Variants in SPOP observed in about 807,000 individuals in gnomAD.
SPOP encodes speckle type BTB/POZ protein, also known as speckle-type POZ protein.
SPOP carries 11 observed loss-of-function variants against 45.6 expected under a neutral mutation model. That is an observed-to-expected ratio of 0.24 (90% CI 0.15 to 0.40). SPOP has a LOEUF of 0.40. Among genes scored for constraint, SPOP ranks in the 10% least tolerant of loss-of-function variants. SPOP has a pLI of 1.00. For missense variants in SPOP, 152 were observed against 465.6 expected (o/e 0.33, Z 6.20); for synonymous variants, 166 against 166.3 (o/e 1.00, Z 0.01).
At chr17:49,610,883 C>T (rs2071958279) in intron 6 of SPOP, among the ~76,000 whole-genome samples, 2 of 152,130 alleles carry the variant, frequency 1.3e-5, no homozygotes, top group South Asian at 4.1e-4. Flanking sequence ...GGGCTAACCC[C>T]TCCAGGGCTG....
At chr17:49,666,594 G>A (rs549131859) in intron 1 of SPOP, among the ~76,000 whole-genome samples, 10 of 152,142 alleles carry the variant, frequency 6.6e-5, no homozygotes, top group East Asian at 5.8e-4. Context: ...TTGAAAGGCC[G>A]AGGCAGGCAG....
intron 6 of SPOP, among the ~76,000 whole-genome samples, chr17:49,610,206 G>A (rs972722288): frequency 2.0e-5 from 3 of 152,084 alleles, no homozygotes; most frequent in Non-Finnish European, 2.9e-5. Flanking sequence ...AAGAGTTATA[G>A]ACTTCCTTGA....
chr17:49,606,596 C>A (rs955271852), intron 8 of SPOP, among the ~76,000 whole-genome samples: 1 of 147,710 alleles, frequency 6.8e-6, no homozygotes, highest in South Asian at 2.1e-4. Context: ...TGGGTTCAAG[C>A]GATCCTCTTG....
At position 49,611,377 on chromosome 17, in the gene SPOP, T is replaced by G; in HGVS notation, c.561A>C (p.Ala187=). Residue 187 remains alanine (A), a synonymous_variant, in exon 6 of 10, where the codon GCA becomes GCC. Coordinates refer to ENST00000504102, the MANE Select transcript of SPOP (RefSeq NM_001007228.2). ...TCTCCCACAGTCCTCCTAACTCATC[T>G]GCCAGCCGGCACTCAGGAACCTTTA... ...NMVKVPECRL[A]DELGGLWENS... 6.2e-7 allele frequency: 1 copy of G among 1,614,232 alleles called. No homozygotes were observed. Among genetic ancestry groups the G allele is most frequent in the African/African-American group, 1.3e-5 (1 of 75,058 alleles).
intron 1 of SPOP, among the ~76,000 whole-genome samples, chr17:49,624,936 T>C (rs532088265): frequency 5.9e-5 from 9 of 152,228 alleles, no homozygotes; most frequent in Admixed American, 5.9e-4. Flanking sequence ...GGGTGTTATC[T>C]AGTACAGTGG....
At chr17:49,635,672 T>C (rs1448999751) in intron 1 of SPOP, among the ~76,000 whole-genome samples, 3 of 148,832 alleles carry the variant, frequency 2.0e-5, no homozygotes, top group Non-Finnish European at 3.0e-5. Flanking sequence ...TCTTGTTCTG[T>C]TGCCCAGGCT....
chr17:49,600,114 C>T lies in SPOP; in HGVS notation c.*264G>A. ...CGCTGGGATATCCTCGGGCCAGCGC[C>T]TAAACTGAATCCCCACAGTATCAAA... On this transcript the variant is annotated 3_prime_UTR_variant, in exon 10 of 10. Transcript: ENST00000504102. The surrounding 1 kb of genome is among the most constrained non-coding windows in gnomAD (Gnocchi z 4.2). 1 of 483,796 alleles carries T rather than the reference C, an allele frequency of 2.1e-6. No individual in the cohort carries two copies. The highest frequency in any genetic ancestry group is 2.7e-5 in the South Asian group (1 of 36,434). 30.0% of individuals were successfully genotyped at this position (483,796 alleles called of 1,614,324 possible).
chr17:49,619,505 T>C lies in SPOP; in HGVS notation c.201-120A>G. 3 of 996,896 alleles carry C rather than the reference T, an allele frequency of 3.0e-6. No individual in the cohort carries two copies. Among genetic ancestry groups the C allele is most frequent in the Non-Finnish European group, 4.3e-6 (3 of 695,494 alleles). 61.8% of individuals were successfully genotyped at this position (996,896 alleles called of 1,614,324 possible). A position where few individuals can be genotyped will look rare whatever the true frequency, so the allele number is the denominator to read the frequency against. ...ATGCAGGCCCCATAGAAGAATATAA[T>C]TCAGTAGAATGACTAGTTGGGAACA... On this transcript the variant is annotated intron_variant, in intron 3 of 9. Transcript: ENST00000504102. The surrounding 1 kb of genome is among the most constrained non-coding windows in gnomAD (Gnocchi z 4.9).
intron 1 of SPOP, among the ~76,000 whole-genome samples, chr17:49,677,642 G>T (rs2073219161): frequency 6.6e-6 from 1 of 151,990 alleles, no homozygotes; most frequent in South Asian, 2.1e-4. Context: ...TCTCGCCGCA[G>T]GCGACAGCTC....
At chr17:49,607,981 TG>T in intron 6 of SPOP, 52 bp from the exon 7 acceptor site, 1 of 1,569,676 alleles carries the variant, frequency 6.4e-7, no homozygotes, top group Non-Finnish European at 8.7e-7. Context: ...TGAAATCTCT[TG>T]GTTGTTGCCA....
chr17:49,675,848 C>G (rs891112285), intron 1 of SPOP: 7 of 152,064 alleles, frequency 4.6e-5, no homozygotes, highest in Admixed American at 1.3e-4. Context: ...ATGGCAAAAC[C>G]TCAACTCTAC....
intron 8 of SPOP, among the ~76,000 whole-genome samples, chr17:49,606,445 T>C (rs1471174297): frequency 2.0e-5 from 3 of 151,506 alleles, no homozygotes; most frequent in Admixed American, 1.3e-4. Context: ...CTGGAGGCAC[T>C]GCACACCCAG....
intron 1 of SPOP, among the ~76,000 whole-genome samples, chr17:49,655,407 AG>A (rs2072895655): frequency 6.6e-6 from 1 of 151,956 alleles, no homozygotes; most frequent in Non-Finnish European, 1.5e-5. Context: ...GCTACTCGGG[AG>A]GCTGAGGCAG....
chr17:49,644,749 CATAT>C (rs1176904794), intron 1 of SPOP, among the ~76,000 whole-genome samples: 2 of 152,018 alleles, frequency 1.3e-5, no homozygotes, highest in African/African-American at 2.4e-5. Context: ...TACATATGCA[CATAT>C]ATACTCACAC....
At chr17:49,662,219 A>C (rs1448531101) in intron 1 of SPOP, among the ~76,000 whole-genome samples, 1 of 151,980 alleles carries the variant, frequency 6.6e-6, no homozygotes, top group Non-Finnish European at 1.5e-5. Context: ...TCAGATTGTG[A>C]CAGATTTTCA....
chr17:49,600,405 G>T lies in SPOP; in HGVS notation c.1098C>A (p.Pro366=). The change falls in exon 10 of 10, where the codon CCC becomes CCA. Residue 366 remains proline (P), a synonymous_variant. Transcript: ENST00000504102. The surrounding 1 kb of genome is among the most constrained non-coding windows in gnomAD (Gnocchi z 4.2). Reference sequence around the variant, plus strand: ...AGGATTGCTTCAGGCGTTTGCGTGGGGGTCCCAGAAAAGGGCACTGTGCTG... The same window carrying T: ...AGGATTGCTTCAGGCGTTTGCGTGGTGGTCCCAGAAAAGGGCACTGTGCTG... ...LASAQCPFLG[P]PRKRLKQS The T allele has an allele frequency of 6.2e-7, 1 of 1,614,080 alleles. No individual in the cohort carries two copies. The highest frequency in any genetic ancestry group is 8.5e-7 in the Non-Finnish European group (1 of 1,180,000).
intron 1 of SPOP, chr17:49,676,068 C>T (rs535006585): frequency 1.3e-5 from 2 of 151,920 alleles, no homozygotes; most frequent in African/African-American, 4.8e-5. Flanking sequence ...ATGGCCGAAA[C>T]CTACTGAGAA....
intron 1 of SPOP, chr17:49,646,206 A>C (rs1236962995): frequency 6.6e-5 from 10 of 152,326 alleles, no homozygotes; most frequent in Non-Finnish European, 1.2e-4. Context: ...AGGCCACTTA[A>C]AATAGGCCAC....
chr17:49,635,629 TCTC>T (rs2072526910), intron 1 of SPOP, among the ~76,000 whole-genome samples: 1 of 137,886 alleles, frequency 7.3e-6, no homozygotes, highest in South Asian at 2.4e-4. Context: ...TTAAGGTATC[TCTC>T]TTTTTTTTTT....
Sources: allele counts gnomAD v4.1 joint callset (sites outside exome capture counted in the v4.1 genomes callset), GRCh38; gene constraint gnomAD v4.1.1; non-coding constraint Gnocchi (gnomAD v3.1); transcripts MANE v1.5; gene names NCBI Gene and HGNC (gene_info 2026-07-23, HGNC 2026-07-21).